Variants in ALG12 observed in about 807,000 individuals in gnomAD.
ALG12 encodes dol-P-Man:Man(7)GlcNAc(2)-PP-Dol alpha-1,6-mannosyltransferase.
A neutral mutation model predicts 46.0 loss-of-function variants in ALG12; 36 were observed. The ratio of observed to expected loss-of-function variants is 0.78; its 90% CI spans 0.60 to 1.03. The LOEUF is 1.03. ALG12 is among the 50% of genes least tolerant of loss of function. ALG12 has a pLI of 0.00. For missense variants in ALG12, 599 were observed against 633.5 expected (o/e 0.95, Z 0.58); for synonymous variants, 326 against 291.6 (o/e 1.12, Z -1.20).
Position 49,901,774 on chromosome 22 carries a change from CA to C in ALG12, c.*2063del. ...TGCGTGGTGTATGCATGGTAATGTG[CA>C]CGTGTGCACTGTGTGTGGTATGTAT... On this transcript the variant is annotated 3_prime_UTR_variant, in exon 10 of 10. Transcript: ENST00000330817. 7.5e-6 allele frequency: 1 copy of C among 133,682 alleles called. No homozygotes were observed. Among genetic ancestry groups the C allele is most frequent in the Non-Finnish European group, 1.5e-5 (1 of 64,710 alleles). The allele number at this position is 133,682 out of a possible 1,614,324, so 8.3% of individuals were successfully genotyped here.
Position 49,913,480 on chromosome 22 carries a change from G to A in ALG12, c.200C>T (p.Thr67Met), listed in dbSNP as rs121907931. The A allele has an allele frequency of 4.3e-6, 7 of 1,614,026 alleles. No homozygotes were observed. The highest frequency in any genetic ancestry group is 1.7e-5 in the Admixed American group (1 of 60,036). Residue 67 changes from threonine to methionine, a missense_variant, in exon 3 of 10, where the codon ACG becomes ATG. Thr to Met is a moderately conservative substitution (Grantham distance 81). Transcript: ENST00000330817. ...TGCGATCACCACTGGCCCGAGGAAC[G>A]TCCTGGGGACGACTCCGGGGAACTC... ...HLEFPGVVPR[T>M]FLGPVVIAVF...
rs1265273441 is a variant in ALG12, at chr22:49,912,035, G to A, written c.295+1350C>T. 2.6e-5 allele frequency among the ~76,000 whole-genome samples: 4 copies of A among 151,164 alleles called. No homozygotes were observed. The East Asian group carries it at 7.8e-4, about 30-fold the overall frequency. On this transcript the variant is annotated intron_variant, in intron 3 of 9. Transcript: ENST00000330817. Reference sequence around the variant, plus strand: ...CAGCCTCGGCCACGGGATCACCCTCGGCCCCGGGATCAGCCTCGGCCGCGG... The same window carrying A: ...CAGCCTCGGCCACGGGATCACCCTCAGCCCCGGGATCAGCCTCGGCCGCGG...
intron 7 of ALG12, 107 bp from the exon 8 acceptor site, chr22:49,904,613 C>T (rs2060533344): frequency 2.3e-6 from 3 of 1,297,198 alleles, no homozygotes; most frequent in Non-Finnish European, 3.3e-6. Context: ...TTCACCAAGT[C>T]ATAACAAAGA....
At chr22:49,868,628 T>C in the ALG12 span, among the ~76,000 whole-genome samples, 1 of 152,124 alleles carries the variant, frequency 6.6e-6, no homozygotes, top group East Asian at 1.9e-4. Context: ...TTGGACACGA[T>C]GTGATTATAA....
the ALG12 span, among the ~76,000 whole-genome samples, chr22:49,892,042 G>C: frequency 6.6e-6 from 1 of 151,990 alleles, no homozygotes; most frequent in Non-Finnish European, 1.5e-5. Context: ...CAAAAAATTA[G>C]CTGGGTGTGG....
At chr22:49,886,000 A>G in the ALG12 span, 4 of 692,232 alleles carry the variant, frequency 5.8e-6, no homozygotes, top group African/African-American at 3.6e-5. Flanking sequence ...CTGCGACTAC[A>G]GTGGCAACAG....
downstream of ALG12, among the ~76,000 whole-genome samples, chr22:49,896,626 A>AT (rs763952106): frequency 1.3e-5 from 2 of 151,666 alleles, no homozygotes; most frequent in Non-Finnish European, 1.5e-5. Context: ...TGTCCTCTTA[A>AT]TTTTTTTTAT....
chr22:49,905,090 C>T lies in ALG12; in HGVS notation c.993-584G>A, dbSNP rs2060535533. Among the ~76,000 whole-genome samples the T allele has an allele frequency of 6.6e-6, 1 of 152,098 alleles. No individual in the cohort carries two copies. Among genetic ancestry groups the T allele is most frequent in the South Asian group, 2.1e-4 (1 of 4,830 alleles). On this transcript the variant is annotated intron_variant, in intron 7 of 9. Coordinates refer to ENST00000330817, the MANE Select transcript of ALG12 (RefSeq NM_024105.4). The surrounding 1 kb of genome is among the most constrained non-coding windows in gnomAD (Gnocchi z 4.9). ...GTGACTGTGTAGGTCAGAGTGCCAC[C>T]CGCGCGGCCAAGCCCACTCCCAGCA... is the stretch of plus-strand genomic sequence containing the variant.
At chr22:49,862,868 A>T in the ALG12 span, among the ~76,000 whole-genome samples, 1 of 151,496 alleles carries the variant, frequency 6.6e-6, no homozygotes, top group Non-Finnish European at 1.5e-5. Flanking sequence ...CGCCTGGCTA[A>T]TTTTTGTAGT....
downstream of ALG12, among the ~76,000 whole-genome samples, chr22:49,898,026 A>G (rs2060490560): frequency 6.6e-6 from 1 of 151,452 alleles, no homozygotes; most frequent in African/African-American, 2.4e-5. Context: ...CCAGTTCAAT[A>G]TATACTTTGT....
the ALG12 span, among the ~76,000 whole-genome samples, chr22:49,869,100 G>A: frequency 6.8e-6 from 1 of 147,210 alleles, no homozygotes; most frequent in Non-Finnish European, 1.5e-5. Context: ...TTCAGCCTGG[G>A]CAACAAGAGC....
the ALG12 span, chr22:49,887,152 C>T: frequency 6.2e-7 from 1 of 1,612,988 alleles, no homozygotes; most frequent in Non-Finnish European, 8.5e-7. Flanking sequence ...GAAAGTGAAT[C>T]TTCCCTTAAT....
rs1486651361 is a variant in ALG12 at position 49,900,835 on chromosome 22, T to G, written c.*3003A>C. ...TGTACGTGTGCAACTGCACGCAGCA[T>G]GCCTGTCCTCCCTAGCCTGTCCACA... is the stretch of plus-strand genomic sequence containing the variant. On this transcript the variant is annotated 3_prime_UTR_variant, in exon 10 of 10. Transcript: ENST00000330817. 6.6e-6 allele frequency: 1 copy of G among 152,276 alleles called. No homozygotes were observed. Among genetic ancestry groups the G allele is most frequent in the Non-Finnish European group, 1.5e-5 (1 of 68,088 alleles). 9.4% of individuals were successfully genotyped at this position (152,276 alleles called of 1,614,324 possible).
Position 49,907,792 on chromosome 22 carries a change from G to C in ALG12, c.921C>G (p.His307Gln). ...GFMALYSLLP[H>Q]KELRFIIYAF... Reference sequence around the variant, plus strand: ...CATAGATGATGAAGCGTAGCTCCTTGTGTGGCAGGAGGGAGTAGAGTGCCA... The same window carrying C: ...CATAGATGATGAAGCGTAGCTCCTTCTGTGGCAGGAGGGAGTAGAGTGCCA... The change falls in exon 7 of 10, where the codon CAC (histidine) becomes CAG (glutamine). Residue 307 changes from histidine to glutamine, a missense_variant. His to Gln is a conservative substitution (Grantham distance 24). Transcript: ENST00000330817. 1 of 1,614,184 alleles carries C rather than the reference G, an allele frequency of 6.2e-7. No homozygotes were observed. The highest frequency in any genetic ancestry group is 8.5e-7 in the Non-Finnish European group (1 of 1,180,046).
At chr22:49,885,154 A>T in the ALG12 span, 1 of 1,613,310 alleles carries the variant, frequency 6.2e-7, no homozygotes, top group Admixed American at 1.7e-5. Flanking sequence ...CAGCTGCCTG[A>T]TGAGACATCT....
At chr22:49,866,683 G>A in the ALG12 span, among the ~76,000 whole-genome samples, 1 of 152,180 alleles carries the variant, frequency 6.6e-6, no homozygotes, top group South Asian at 2.1e-4. Context: ...CTGCAGTGAT[G>A]TTTTTCTGCT....
the ALG12 span, among the ~76,000 whole-genome samples, chr22:49,870,408 C>G: frequency 2.0e-5 from 3 of 152,188 alleles, no homozygotes; most frequent in African/African-American, 4.8e-5. Flanking sequence ...CCACACTGCT[C>G]TCCGCAGTGG....
In ALG12 at chr22:49,903,885, G is replaced by C; in HGVS notation, c.1420C>G (p.Leu474Val). ...LTQLPPFNVH[L>V]QTKLVLLERL... ...TCCAGAAGCACCAGCTTTGTCTGCA[G>C]GTGGACGTTGAAGGGGGGCAGTTGG... The change falls in exon 10 of 10, where the codon CTG becomes GTG. Residue 474 changes from leucine to valine, a missense_variant. Transcript: ENST00000330817. 6.2e-7 allele frequency: 1 copy of C among 1,614,232 alleles called. No homozygotes were observed. Among genetic ancestry groups the C allele is most frequent in the Non-Finnish European group, 8.5e-7 (1 of 1,180,032 alleles).
At chr22:49,860,948 T>TTTATA in the ALG12 span, among the ~76,000 whole-genome samples, 1 of 151,024 alleles carries the variant, frequency 6.6e-6, no homozygotes, top group African/African-American at 2.4e-5. Context: ...CCAGCTAATT[T>TTTATA]TTTGTACTTT....
Sources: gnomAD v4.1 joint callset for allele counts (sites outside exome capture counted in the v4.1 genomes callset) on GRCh38, gnomAD v4.1.1 for gene constraint, Gnocchi (gnomAD v3.1) non-coding constraint, MANE v1.5 for transcripts, NCBI Gene and HGNC (gene_info 2026-07-23, HGNC 2026-07-21) for gene names.